The following CFAP20DC variants were observed in gnomAD, a reference collection of about 807,000 sequenced individuals.
CFAP20DC encodes CFAP20 domain containing.
Under a neutral mutation model 101.7 loss-of-function variants are expected in CFAP20DC, and 84 were observed. The observed-to-expected ratio is 0.83, with a 90% CI of 0.69 to 0.99. The LOEUF (loss-of-function observed/expected upper bound fraction) is 0.99. CFAP20DC is among the 50% of genes least tolerant of loss of function. CFAP20DC has a pLI of 0.00. For missense variants in CFAP20DC, 1,007 were observed against 970.3 expected (o/e 1.04, Z -0.50); for synonymous variants, 359 against 351.2 (o/e 1.02, Z -0.25).
intron 3 of CFAP20DC, among the ~76,000 whole-genome samples, chr3:58,718,407 C>A (rs560143909): frequency 6.6e-6 from 1 of 152,316 alleles, no homozygotes; most frequent in South Asian, 2.1e-4. Flanking sequence ...TGTGACCCTG[C>A]AACAGTGGGA....
chr3:58,901,085 C>T (rs1349668384), intron 6 of CFAP20DC, among the ~76,000 whole-genome samples: 2 of 152,144 alleles, frequency 1.3e-5, no homozygotes, highest in Admixed American at 6.5e-5. Context: ...GACTCATCTA[C>T]GTTCATCTTA....
intron 4 of CFAP20DC, among the ~76,000 whole-genome samples, chr3:58,940,839 G>A (rs1380482700): frequency 6.6e-6 from 1 of 152,112 alleles, no homozygotes; most frequent in Non-Finnish European, 1.5e-5. Flanking sequence ...CTTGGATTGT[G>A]TTGAATCTAT....
intron 7 of CFAP20DC, among the ~76,000 whole-genome samples, chr3:58,878,614 C>T (rs751738883): frequency 6.6e-6 from 1 of 152,042 alleles, no homozygotes; most frequent in Non-Finnish European, 1.5e-5. Context: ...ATCATTTGGG[C>T]TTGGAAATAA....
chr3:58,851,924 G>A (rs754180772), intron 12 of CFAP20DC, among the ~76,000 whole-genome samples: 3 of 152,184 alleles, frequency 2.0e-5, no homozygotes, highest in Non-Finnish European at 2.9e-5. Flanking sequence ...AGACTGTGGG[G>A]AAGCTTTTGT....
At chr3:58,761,424 G>C (rs958754769) in intron 15 of CFAP20DC, among the ~76,000 whole-genome samples, 4 of 151,860 alleles carry the variant, frequency 2.6e-5, no homozygotes, top group African/African-American at 4.8e-5. Context: ...ATTCTTCTCT[G>C]TTTTCTTCTT....
chr3:59,025,395 A>C (rs1428832594), intron 4 of CFAP20DC, among the ~76,000 whole-genome samples: 1 of 152,150 alleles, frequency 6.6e-6, no homozygotes, highest in African/African-American at 2.4e-5. Flanking sequence ...GTAGCATGAA[A>C]ATTTCACAAG....
rs866099245 is a variant in CFAP20DC, at chr3:58,804,741, T to C, written c.2237+1654A>G. 9.8e-5 allele frequency among the ~76,000 whole-genome samples: 15 copies of C among 152,300 alleles called. 1 individual carries two copies. In the South Asian group the frequency reaches 1.0e-3, roughly 11 times the overall value. ...AAAGCTTACTCACATATAGAAAAAA[T>C]AATTTGTTAGGCAAATCTAGATGAG... On this transcript the variant is annotated intron_variant, in intron 15 of 16. Coordinates refer to ENST00000482387, the MANE Select transcript of CFAP20DC (RefSeq NM_001394063.1).
chr3:58,765,253 T>C (rs775465921), intron 15 of CFAP20DC, among the ~76,000 whole-genome samples: 2 of 151,840 alleles, frequency 1.3e-5, no homozygotes, highest in African/African-American at 2.4e-5. Context: ...ATAAGTATAC[T>C]GTATGTGTAT....
At chr3:58,942,372 C>G (rs1359524291) in intron 4 of CFAP20DC, among the ~76,000 whole-genome samples, 1 of 152,270 alleles carries the variant, frequency 6.6e-6, no homozygotes, top group Non-Finnish European at 1.5e-5. Context: ...AACTGAGGTA[C>G]CCGGCTCATT....
chr3:58,902,545 C>T (rs764526243), intron 6 of CFAP20DC, among the ~76,000 whole-genome samples: 63 of 152,106 alleles, frequency 4.1e-4, no homozygotes, highest in African/African-American at 1.3e-3. Flanking sequence ...CATTTTTTCA[C>T]GTGTTTGTCT....
At position 58,849,384 on chromosome 3, in the gene CFAP20DC, C is replaced by T. The variant is rs187268596; in HGVS notation, c.1619G>A (p.Arg540Gln). 2.4e-4 allele frequency: 371 copies of T among 1,534,760 alleles called. No homozygotes were observed. Among genetic ancestry groups the T allele is most frequent in the Non-Finnish European group, 3.0e-4 (343 of 1,146,368 alleles). Residue 540 changes from arginine to glutamine, a missense_variant, in exon 13 of 17, where the codon CGA (arginine) becomes CAA (glutamine). Transcript: ENST00000482387. ...CTCTGAAGGACCAGTTGTTGGGCCT[C>T]GAGAACCCTGGATACTGTGGTTACC... ...EEGNHSIQGS[R>Q]GPTTGPSELT...
At chr3:58,854,581 A>C (rs2078584790) in intron 12 of CFAP20DC, among the ~76,000 whole-genome samples, 1 of 152,234 alleles carries the variant, frequency 6.6e-6, no homozygotes, top group South Asian at 2.1e-4. Flanking sequence ...CCTGAGTTCA[A>C]ACTATACTAC....
intron 14 of CFAP20DC, among the ~76,000 whole-genome samples, chr3:58,815,271 T>A (rs1455630423): frequency 1.3e-5 from 2 of 150,834 alleles, no homozygotes; most frequent in Non-Finnish European, 3.0e-5. Context: ...GATTCCCTAT[T>A]TAATAAATGG....
At chr3:59,003,571 GGT>G (rs1185841053) in intron 4 of CFAP20DC, among the ~76,000 whole-genome samples, 2 of 152,122 alleles carry the variant, frequency 1.3e-5, no homozygotes, top group African/African-American at 4.8e-5. Flanking sequence ...GATACAGTGT[GGT>G]TATAAGCCTA....
chr3:58,866,534 A>G, intron 11 of CFAP20DC, 32 bp downstream of exon 11: 1 of 1,546,214 alleles, frequency 6.5e-7, no homozygotes, highest in Non-Finnish European at 8.7e-7. Context: ...TTTATTCATT[A>G]TTAACAGATA....
chr3:58,860,014 T>C (rs2079115751), intron 12 of CFAP20DC, among the ~76,000 whole-genome samples: 1 of 151,614 alleles, frequency 6.6e-6, no homozygotes, highest in African/African-American at 2.4e-5. Context: ...CCGTCTCTAC[T>C]AAAAATACAA....
chr3:58,768,240 C>A (rs993037188), intron 15 of CFAP20DC, among the ~76,000 whole-genome samples: 10 of 152,166 alleles, frequency 6.6e-5, no homozygotes, highest in Non-Finnish European at 1.5e-4. Flanking sequence ...AAGATGGGAG[C>A]TAAACAAAGT....
intron 7 of CFAP20DC, among the ~76,000 whole-genome samples, chr3:58,884,042 C>G (rs2081413848): frequency 6.6e-6 from 1 of 152,022 alleles, no homozygotes; most frequent in South Asian, 2.1e-4. Context: ...TTATCATAAA[C>G]ATTCACGTAT....
At chr3:58,798,953 T>C (rs766487432) in intron 15 of CFAP20DC, among the ~76,000 whole-genome samples, 9 of 152,230 alleles carry the variant, frequency 5.9e-5, no homozygotes, top group Non-Finnish European at 7.3e-5. Flanking sequence ...GACTAAAGAA[T>C]AGTAACATAA....
Sources: allele counts gnomAD v4.1 joint callset (sites outside exome capture counted in the v4.1 genomes callset), GRCh38; gene constraint gnomAD v4.1.1; transcripts MANE v1.5; gene names NCBI Gene and HGNC (gene_info 2026-07-23, HGNC 2026-07-21).